Variants in BTRC observed in about 807,000 individuals in gnomAD.
BTRC encodes F-box/WD repeat-containing protein 1A.
In BTRC, 42 loss-of-function variants were observed where a neutral mutation model predicts 85.5. The ratio of observed to expected loss-of-function variants is 0.49; its 90% CI spans 0.38 to 0.64. BTRC has a LOEUF of 0.64. Ranked by LOEUF, BTRC falls within the 30% of genes least tolerant of loss-of-function variation. BTRC has a pLI of 0.00. For missense variants in BTRC, 594 were observed against 743.5 expected, an observed-to-expected ratio of 0.80 and a Z score of 2.34; for synonymous variants, 255 against 263.3, an observed-to-expected ratio of 0.97 and a Z score of 0.30.
intron 1 of BTRC, among the ~76,000 whole-genome samples, chr10:101,391,002 A>T (rs1197164137): frequency 1.3e-5 from 2 of 152,188 alleles, no homozygotes; most frequent in East Asian, 1.9e-4. Flanking sequence ...TAGAAATTTT[A>T]CTCTTGATAA....
chr10:101,400,254 C>T (rs1383426538), intron 1 of BTRC, among the ~76,000 whole-genome samples: 2 of 152,126 alleles, frequency 1.3e-5, no homozygotes, highest in Admixed American at 6.5e-5. Context: ...CTGTGATGTG[C>T]GGGAAATCAG....
intron 8 of BTRC, 90 bp downstream of exon 8, chr10:101,532,522 T>C: frequency 7.1e-7 from 1 of 1,411,164 alleles, no homozygotes; most frequent in Non-Finnish European, 9.3e-7. Context: ...CTAAGCATTA[T>C]TTCTAGAAAG....
At chr10:101,372,357 A>G (rs1352734929) in intron 1 of BTRC, among the ~76,000 whole-genome samples, 4 of 150,646 alleles carry the variant, frequency 2.7e-5, no homozygotes, top group African/African-American at 7.3e-5. Flanking sequence ...CCTGGGTTCA[A>G]GTGATTCTCC....
intron 1 of BTRC, among the ~76,000 whole-genome samples, chr10:101,404,997 TAAAA>T (rs34206285): frequency 4.8e-5 from 6 of 123,756 alleles, no homozygotes; most frequent in Admixed American, 1.7e-4. Context: ...GAATCCATCT[TAAAA>T]AAAAAAAAAA....
chr10:101,487,372 A>G (rs1259177066), intron 4 of BTRC, among the ~76,000 whole-genome samples: 2 of 152,222 alleles, frequency 1.3e-5, no homozygotes, highest in Non-Finnish European at 2.9e-5. Context: ...GGGTATTACC[A>G]CAATAAATAC....
intron 3 of BTRC, among the ~76,000 whole-genome samples, chr10:101,474,686 C>T (rs1589519132): frequency 6.6e-6 from 1 of 152,222 alleles, no homozygotes; most frequent in Non-Finnish European, 1.5e-5. Flanking sequence ...CTTGATATCT[C>T]AAGCCAATAG....
At chr10:101,456,081 G>C (rs1180325425) in intron 2 of BTRC, among the ~76,000 whole-genome samples, 2 of 150,964 alleles carry the variant, frequency 1.3e-5, no homozygotes, top group Non-Finnish European at 2.9e-5. Flanking sequence ...TGAGGCAGGA[G>C]AATCACTTGA....
At position 101,420,106 on chromosome 10, in the gene BTRC, C is replaced by T. The variant is rs183139075; in HGVS notation, c.49-10239C>T. Among the ~76,000 whole-genome samples the T allele has an allele frequency of 3.3e-3, 502 of 151,832 alleles. 1 individual carries two copies. The highest frequency in any genetic ancestry group is 5.6e-3 in the Non-Finnish European group (381 of 67,948). On this transcript the variant is annotated intron_variant, in intron 1 of 14. Transcript: ENST00000370187. ...ATATATTATTTACCTAGGAATTTCT[C>T]GGTGTAATACATTGTAAGATTTCAG...
At chr10:101,417,363 A>G (rs563197091) in intron 1 of BTRC, among the ~76,000 whole-genome samples, 2 of 152,226 alleles carry the variant, frequency 1.3e-5, no homozygotes, top group Non-Finnish European at 2.9e-5. Context: ...ACACGCCAGT[A>G]TCTTGCAGAA....
At chr10:101,532,657 G>T (rs886717399) in intron 8 of BTRC, among the ~76,000 whole-genome samples, 5 of 152,028 alleles carry the variant, frequency 3.3e-5, no homozygotes, top group African/African-American at 7.3e-5. Context: ...GAAATGCACT[G>T]AATGGGCTGT....
At chr10:101,377,013 A>T (rs1052758587) in intron 1 of BTRC, among the ~76,000 whole-genome samples, 4 of 152,172 alleles carry the variant, frequency 2.6e-5, no homozygotes, top group Non-Finnish European at 5.9e-5. Context: ...TAGTAGATTC[A>T]TGTAAACCAC....
At chr10:101,549,951 TAGG>T (rs1281316600) in intron 13 of BTRC, among the ~76,000 whole-genome samples, 1 of 152,222 alleles carries the variant, frequency 6.6e-6, no homozygotes, top group African/African-American at 2.4e-5. Flanking sequence ...TTGGCCATGA[TAGG>T]AGTTTTTAAT....
At chr10:101,440,317 A>G (rs1420830660) in intron 2 of BTRC, among the ~76,000 whole-genome samples, 1 of 151,872 alleles carries the variant, frequency 6.6e-6, no homozygotes, top group African/African-American at 2.4e-5. Context: ...CTATTGATGT[A>G]TGCTTTCATT....
At chr10:101,543,912 TTTTG>T (rs1477551745) in intron 13 of BTRC, among the ~76,000 whole-genome samples, 2 of 152,198 alleles carry the variant, frequency 1.3e-5, no homozygotes, top group Non-Finnish European at 2.9e-5. Context: ...TTTAAGATTT[TTTTG>T]TTTGTTTGTT....
intron 1 of BTRC, among the ~76,000 whole-genome samples, chr10:101,388,385 GTCTC>G (rs776702450): frequency 1.0e-3 from 155 of 151,524 alleles, no homozygotes; most frequent in Non-Finnish European, 1.4e-3. Context: ...TAGAGACAGG[GTCTC>G]TCTCTGTTGC....
rs1299098446 is a variant in BTRC, at chr10:101,403,658, A to G, written c.49-26687A>G. Among the ~76,000 whole-genome samples, 3 of 152,014 alleles carry G rather than the reference A, an allele frequency of 2.0e-5. No individual in the cohort carries two copies. The East Asian group carries it at 5.8e-4, about 29-fold the overall frequency. ...CAAACCAGAGTGCAGTAGCATGATC[A>G]TGGCTCACTGCAGCCTCGACCTCTC... On this transcript the variant is annotated intron_variant, in intron 1 of 14. Coordinates refer to ENST00000370187, the MANE Select transcript of BTRC (RefSeq NM_033637.4).
intron 1 of BTRC, among the ~76,000 whole-genome samples, chr10:101,398,505 G>A (rs1943419740): frequency 2.0e-5 from 3 of 151,982 alleles, no homozygotes; most frequent in Admixed American, 1.3e-4. Flanking sequence ...GGGTTTCATC[G>A]TGTTAGCCAG....
chr10:101,439,791 A>T (rs1944633259), intron 2 of BTRC, among the ~76,000 whole-genome samples: 1 of 152,236 alleles, frequency 6.6e-6, no homozygotes, highest in South Asian at 2.1e-4. Context: ...TTTATGGAAC[A>T]CCCTATTGTA....
intron 2 of BTRC, among the ~76,000 whole-genome samples, 200 bp from the exon 3 acceptor site, chr10:101,461,780 CT>C (rs1945232239): frequency 6.6e-6 from 1 of 152,152 alleles, no homozygotes; most frequent in Non-Finnish European, 1.5e-5. Context: ...CATCTAAATC[CT>C]TACATAATTT....
Sources: gnomAD v4.1 joint callset for allele counts (sites outside exome capture counted in the v4.1 genomes callset) on GRCh38, gnomAD v4.1.1 for gene constraint, MANE v1.5 for transcripts, NCBI Gene and HGNC (gene_info 2026-07-23, HGNC 2026-07-21) for gene names.